MTARC2: variants seen among roughly 807,000 people sequenced by gnomAD.
MTARC2 encodes the protein MOCO sulphurase C-terminal domain containing 2.
Under a neutral mutation model 35.6 loss-of-function variants are expected in MTARC2, and 27 were observed. The observed-to-expected ratio is 0.76, with a 90% CI of 0.56 to 1.04. The LOEUF (loss-of-function observed/expected upper bound fraction) is 1.04, where lower values mean the gene tolerates loss of function less well. Among genes scored for constraint, MTARC2 ranks in the 50% least tolerant of loss-of-function variants. The pLI is 0.00. For missense variants in MTARC2, 412 were observed against 432.5 expected, an observed-to-expected ratio of 0.95 and a Z score of 0.42; for synonymous variants, 158 against 167.1, an observed-to-expected ratio of 0.95 and a Z score of 0.42.
At position 220,748,900 on chromosome 1, in the gene MTARC2, G is replaced by C. The variant is rs72472373; in HGVS notation, c.272+97G>C. ...CGATCTATCTGGGAAGGACTATAGA[G>C]GTTTGCCACCTGAGTTTCTGGGCTG... On this transcript the variant is annotated intron_variant, in intron 1 of 7. Coordinates refer to ENST00000366913, the MANE Select transcript of MTARC2 (RefSeq NM_017898.5). The C allele has an allele frequency of 1.5e-5, 20 of 1,357,308 alleles. No homozygotes were observed. The Admixed American group carries it at 1.8e-4, about 12-fold the overall frequency. The allele number at this position is 1,357,308 out of a possible 1,614,324, so 84.1% of individuals were successfully genotyped here. A position where few individuals can be genotyped will look rare whatever the true frequency, so the allele number is the denominator to read the frequency against.
chr1:220,773,535 G>A (rs1671804061), intron 4 of MTARC2, among the ~76,000 whole-genome samples: 1 of 152,174 alleles, frequency 6.6e-6, no homozygotes, highest in Non-Finnish European at 1.5e-5. Context: ...GCCAGTTGGT[G>A]AGAAGCATGG....
intron 4 of MTARC2, among the ~76,000 whole-genome samples, chr1:220,777,726 G>T (rs1252206175): frequency 6.6e-6 from 1 of 152,076 alleles, no homozygotes; most frequent in Non-Finnish European, 1.5e-5. Context: ...GTGCCTTAAA[G>T]ATAAAGAATA....
intron 1 of MTARC2, chr1:220,754,411 T>TGTAG (rs1363667684): frequency 6.6e-6 from 3 of 456,206 alleles, no homozygotes; most frequent in Non-Finnish European, 1.3e-5. Context: ...GGTTTCCTGA[T>TGTAG]GTAGGACCCC....
chr1:220,751,467 T>C (rs1671123531), intron 1 of MTARC2, among the ~76,000 whole-genome samples: 1 of 152,212 alleles, frequency 6.6e-6, no homozygotes, highest in Non-Finnish European at 1.5e-5. Context: ...CCTTTATTTC[T>C]TCTGCACAAA....
chr1:220,775,015 A>G (rs1671861258), intron 4 of MTARC2, among the ~76,000 whole-genome samples: 1 of 152,162 alleles, frequency 6.6e-6, no homozygotes, highest in Non-Finnish European at 1.5e-5. Flanking sequence ...ACAGGAAAAA[A>G]GGGAGGGAGA....
intron 1 of MTARC2, among the ~76,000 whole-genome samples, chr1:220,753,176 C>T (rs1333831242): frequency 7.9e-5 from 12 of 151,072 alleles, no homozygotes; most frequent in Admixed American, 2.0e-4. Context: ...TGCAGTTAGC[C>T]GAGATCGTGC....
chr1:220,761,005 A>G (rs575014910), intron 2 of MTARC2, among the ~76,000 whole-genome samples: 24 of 152,310 alleles, frequency 1.6e-4, no homozygotes, highest in African/African-American at 5.5e-4. Context: ...AACAAATTAA[A>G]CTTATGATGA....
chr1:220,754,904 G>A, intron 1 of MTARC2, 43 bp from the exon 2 acceptor site: 1 of 1,522,482 alleles, frequency 6.6e-7, no homozygotes, highest in Non-Finnish European at 8.8e-7. Flanking sequence ...GTTGGGAGGT[G>A]GAAGAGGATT....
chr1:220,765,193 AGAG>A (rs1365091988), intron 4 of MTARC2, among the ~76,000 whole-genome samples: 1 of 152,182 alleles, frequency 6.6e-6, no homozygotes, highest in Non-Finnish European at 1.5e-5. Flanking sequence ...GGCCAGGGTC[AGAG>A]GAGGGTCTTT....
At chr1:220,782,115 C>G (rs147134557) in intron 7 of MTARC2, among the ~76,000 whole-genome samples, 183 bp downstream of exon 7, 171 of 152,248 alleles carry the variant, frequency 1.1e-3, no homozygotes, top group African/African-American at 3.9e-3. Context: ...GTACTCCTAC[C>G]TCAGCCTTCT....
At chr1:220,775,092 G>A (rs1453417586) in intron 4 of MTARC2, among the ~76,000 whole-genome samples, 1 of 152,122 alleles carries the variant, frequency 6.6e-6, no homozygotes, top group Non-Finnish European at 1.5e-5. Flanking sequence ...ATGCCTACAT[G>A]GATCTATGAA....
intron 4 of MTARC2, 176 bp from the exon 5 acceptor site, chr1:220,779,842 C>A: frequency 2.1e-6 from 1 of 474,562 alleles, no homozygotes; most frequent in Non-Finnish European, 3.7e-6. Flanking sequence ...AAGAGGTGGA[C>A]CTGAACTTGC....
chr1:220,748,469 G>C lies in MTARC2; in HGVS notation c.-63G>C. The C allele has an allele frequency of 3.0e-6, 4 of 1,338,988 alleles. No individual in the cohort carries two copies. The highest frequency in any genetic ancestry group is 3.8e-6 in the Non-Finnish European group (4 of 1,052,612). The allele number at this position is 1,338,988 out of a possible 1,614,324, so 82.9% of individuals were successfully genotyped here. A position where few individuals can be genotyped will look rare whatever the true frequency, so the allele number is the denominator to read the frequency against. ...TGCCCGGATCCTTAAGGGCCTCCTC[G>C]TCCTCCCGGTCTCCGGTCGCTGCCG... On this transcript the variant is annotated 5_prime_UTR_variant, in exon 1 of 8. Transcript: ENST00000366913.
rs1177400484 is a variant in MTARC2, at chr1:220,781,921, T to G, written c.*20T>G. ...GTGTAGTGATGAGTGATGGATCCACTAGGGTGATATGGTAAAGGGTCAGCT... is the reference window on the plus strand; with the variant it reads ...GTGTAGTGATGAGTGATGGATCCACGAGGGTGATATGGTAAAGGGTCAGCT... On this transcript the variant is annotated 3_prime_UTR_variant, in exon 7 of 8. Coordinates refer to ENST00000366913, the MANE Select transcript of MTARC2 (RefSeq NM_017898.5). The G allele has an allele frequency of 1.9e-6, 3 of 1,612,544 alleles. No homozygotes were observed. Among genetic ancestry groups the G allele is most frequent in the Non-Finnish European group, 2.5e-6 (3 of 1,179,010 alleles).
chr1:220,756,679 T>C (rs920835513), intron 2 of MTARC2, among the ~76,000 whole-genome samples: 1 of 152,186 alleles, frequency 6.6e-6, no homozygotes, highest in Non-Finnish European at 1.5e-5. Flanking sequence ...AGGTGATGGG[T>C]AAATACGTAG....
intron 1 of MTARC2, chr1:220,754,316 TG>T (rs1671217490): frequency 4.4e-6 from 2 of 456,088 alleles, no homozygotes; most frequent in Admixed American, 2.3e-5. Context: ...AGGAAATAAG[TG>T]GGATTCTTAT....
intron 4 of MTARC2, among the ~76,000 whole-genome samples, chr1:220,771,254 G>A (rs551723792): frequency 1.0e-4 from 14 of 138,904 alleles, no homozygotes; most frequent in East Asian, 8.9e-4. Context: ...AGCCAAGATC[G>A]TGCCACTGCA....
chr1:220,771,649 T>A (rs924858660), intron 4 of MTARC2, among the ~76,000 whole-genome samples: 7 of 152,034 alleles, frequency 4.6e-5, no homozygotes, highest in Non-Finnish European at 7.3e-5. Context: ...AAGGATATTT[T>A]AAAAAGTAAC....
Position 220,781,879 on chromosome 1 carries a change from AC to A in MTARC2, c.989del (p.Pro330LeufsTer10). On this transcript the variant is annotated frameshift_variant, in exon 7 of 8. Transcript: ENST00000366913. LOFTEE classifies it high-confidence loss of function. ...VEKIGSLRVG[D>X]PVYRMV is the part of the protein sequence containing the mutation. ...AAAATTGGAAGCCTGAGAGTTGGTG[AC>A]CCTGTGTATCGGATGGTGTAGTGAT... The A allele has an allele frequency of 6.2e-7, 1 of 1,614,146 alleles. No homozygotes were observed. The highest frequency in any genetic ancestry group is 8.5e-7 in the Non-Finnish European group (1 of 1,180,014).
Sources: gnomAD v4.1 joint callset for allele counts (sites outside exome capture counted in the v4.1 genomes callset) on GRCh38, gnomAD v4.1.1 for gene constraint, MANE v1.5 for transcripts, NCBI Gene and HGNC (gene_info 2026-07-23, HGNC 2026-07-21) for gene names.